The following KCNH7 variants were observed in gnomAD, a reference collection of about 807,000 sequenced individuals.
KCNH7 encodes the protein voltage-gated inwardly rectifying potassium channel KCNH7.
Under a neutral mutation model 120.8 loss-of-function variants are expected in KCNH7, and 49 were observed. That is an observed-to-expected ratio of 0.41 (90% CI 0.32 to 0.51). KCNH7 has a LOEUF of 0.51. KCNH7 is among the 20% of genes least tolerant of loss of function. The probability of loss-of-function intolerance (pLI) is 0.38; values close to 1 mark genes in which losing one functional copy is unlikely to be tolerated. For synonymous variants in KCNH7, 547 were observed against 516.1 expected (o/e 1.06, Z -0.81); for missense variants, 1,097 against 1,446.6 (o/e 0.76, Z 3.92).
intron 2 of KCNH7, among the ~76,000 whole-genome samples, chr2:162,820,770 A>G (rs1340121445): frequency 6.6e-6 from 1 of 152,148 alleles, no homozygotes; most frequent in East Asian, 1.9e-4. Flanking sequence ...ACTTTCCTTT[A>G]ACTTTCCTCT....
At chr2:162,808,473 C>G (rs1684625745) in intron 2 of KCNH7, among the ~76,000 whole-genome samples, 1 of 152,094 alleles carries the variant, frequency 6.6e-6, no homozygotes, top group South Asian at 2.1e-4. Flanking sequence ...GAAAGCGTTA[C>G]TTTTGACTAC....
chr2:162,702,171 T>A (rs1333777736), intron 2 of KCNH7, among the ~76,000 whole-genome samples: 2 of 152,094 alleles, frequency 1.3e-5, no homozygotes, highest in African/African-American at 4.8e-5. Flanking sequence ...GAAATAATAA[T>A]CAGCAAGAAT....
intron 9 of KCNH7, among the ~76,000 whole-genome samples, chr2:162,400,969 G>A (rs1300057928): frequency 6.6e-6 from 1 of 151,804 alleles, no homozygotes; most frequent in Admixed American, 6.6e-5. Context: ...TACAGTATTT[G>A]GAATATTTAT....
chr2:162,410,793 T>C (rs1687368696), intron 9 of KCNH7, among the ~76,000 whole-genome samples: 1 of 151,934 alleles, frequency 6.6e-6, no homozygotes, highest in Non-Finnish European at 1.5e-5. Flanking sequence ...GCAAAGGACA[T>C]GAACAGATAC....
chr2:162,410,471 A>G (rs945554387), intron 9 of KCNH7, among the ~76,000 whole-genome samples: 2 of 152,104 alleles, frequency 1.3e-5, no homozygotes, highest in Non-Finnish European at 2.9e-5. Flanking sequence ...AAAACAATAA[A>G]AACTCTAGAA....
At chr2:162,754,861 G>A (rs1688729741) in intron 2 of KCNH7, among the ~76,000 whole-genome samples, 1 of 152,142 alleles carries the variant, frequency 6.6e-6, no homozygotes, top group Admixed American at 6.5e-5. Flanking sequence ...CTCTTGTGGA[G>A]TGCTTAGAAC....
chr2:162,472,276 G>T (rs1689570019), intron 6 of KCNH7, among the ~76,000 whole-genome samples: 2 of 152,144 alleles, frequency 1.3e-5, no homozygotes, highest in South Asian at 4.1e-4. Flanking sequence ...CACAGCAAAA[G>T]AAACTACCAT....
intron 2 of KCNH7, among the ~76,000 whole-genome samples, chr2:162,699,462 A>C (rs1036166482): frequency 6.6e-6 from 1 of 152,182 alleles, no homozygotes; most frequent in African/African-American, 2.4e-5. Flanking sequence ...GATACAGTAG[A>C]AATGTACTGG....
chr2:162,780,602 A>G (rs1164373992), intron 2 of KCNH7, among the ~76,000 whole-genome samples: 2 of 152,090 alleles, frequency 1.3e-5, no homozygotes, highest in Non-Finnish European at 2.9e-5. Context: ...ACTCTGCAAA[A>G]TCGTTTTTAT....
At chr2:162,528,270 A>G (rs1691783788) in intron 3 of KCNH7, 1 of 151,994 alleles carries the variant, frequency 6.6e-6, no homozygotes. Flanking sequence ...CACTTCAAAT[A>G]AGATAAAGAT....
intron 2 of KCNH7, among the ~76,000 whole-genome samples, chr2:162,647,039 C>T (rs1020685583): frequency 7.9e-5 from 12 of 152,300 alleles, no homozygotes; most frequent in South Asian, 2.1e-4. Flanking sequence ...TGTCTAAAGT[C>T]GGTCAGTAGT....
At chr2:162,524,208 C>T (rs1057031811) in intron 3 of KCNH7, among the ~76,000 whole-genome samples, 2 of 152,006 alleles carry the variant, frequency 1.3e-5, no homozygotes, top group Admixed American at 6.6e-5. Context: ...GCTGAAGCAT[C>T]GGCCAGTCCT....
chr2:162,458,739 T>C (rs1689054597), intron 6 of KCNH7, among the ~76,000 whole-genome samples: 3 of 152,138 alleles, frequency 2.0e-5, no homozygotes, highest in Non-Finnish European at 4.4e-5. Context: ...GATGTTTGGC[T>C]GGGACGATGT....
At chr2:162,378,432 G>A (rs748117826) in intron 14 of KCNH7, among the ~76,000 whole-genome samples, 19 of 152,062 alleles carry the variant, frequency 1.2e-4, no homozygotes, top group East Asian at 3.9e-4. Flanking sequence ...AACAATAAAC[G>A]GCATGGACAA....
At chr2:162,662,018 C>CTTTG (rs979378221) in intron 2 of KCNH7, among the ~76,000 whole-genome samples, 1 of 152,100 alleles carries the variant, frequency 6.6e-6, no homozygotes, top group African/African-American at 2.4e-5. Context: ...AATCCCAGCA[C>CTTTG]TTTGGGAGGC....
At chr2:162,737,541 C>T (rs979442240) in intron 2 of KCNH7, among the ~76,000 whole-genome samples, 1 of 151,882 alleles carries the variant, frequency 6.6e-6, no homozygotes, top group African/African-American at 2.4e-5. Flanking sequence ...AAATAAGACC[C>T]CTCTTAAGGA....
At chr2:162,438,916 A>G (rs1688338215) in intron 7 of KCNH7, among the ~76,000 whole-genome samples, 1 of 152,122 alleles carries the variant, frequency 6.6e-6, no homozygotes, top group Admixed American at 6.6e-5. Flanking sequence ...GAGAGAGTAG[A>G]TTTAATAATT....
chr2:162,428,586 G>A (rs1558939728), intron 8 of KCNH7, among the ~76,000 whole-genome samples: 1 of 151,662 alleles, frequency 6.6e-6, no homozygotes, highest in Non-Finnish European at 1.5e-5. Context: ...TTATTCATTT[G>A]GTCTATTTAT....
chr2:162,741,192 TATTA>T (rs1453834316), intron 2 of KCNH7, among the ~76,000 whole-genome samples: 1 of 138,632 alleles, frequency 7.2e-6, no homozygotes, highest in Non-Finnish European at 1.5e-5. Context: ...TAACATATGT[TATTA>T]ATTATACATA....
Sources: gnomAD v4.1 joint callset for allele counts (sites outside exome capture counted in the v4.1 genomes callset) on GRCh38, gnomAD v4.1.1 for gene constraint, MANE v1.5 for transcripts, NCBI Gene and HGNC (gene_info 2026-07-23, HGNC 2026-07-21) for gene names.